Variants in MALRD1 observed in about 807,000 individuals in gnomAD.
MALRD1 encodes MAM and LDL receptor class A domain containing 1.
MALRD1 carries 247 observed loss-of-function variants against 242.1 expected under a neutral mutation model. The ratio of observed to expected loss-of-function variants is 1.02; its 90% CI spans 0.92 to 1.13. The LOEUF (loss-of-function observed/expected upper bound fraction) is 1.13. Ranked by LOEUF, MALRD1 falls within the 50% of genes most tolerant of loss-of-function variation. The pLI is 0.00. For missense variants in MALRD1, 2,989 were observed against 2,533.1 expected, an observed-to-expected ratio of 1.18 and a Z score of -3.86; for synonymous variants, 995 against 866.6, an observed-to-expected ratio of 1.15 and a Z score of -2.60.
At chr10:19,564,041 A>C (rs533432216) in intron 32 of MALRD1, among the ~76,000 whole-genome samples, 2 of 152,342 alleles carry the variant, frequency 1.3e-5, no homozygotes, top group African/African-American at 4.8e-5. Context: ...CCCCAGAAGC[A>C]GTTGCTGGTG....
At chr10:19,429,252 T>C (rs1834025186) in intron 28 of MALRD1, among the ~76,000 whole-genome samples, 1 of 152,166 alleles carries the variant, frequency 6.6e-6, no homozygotes, top group Admixed American at 6.5e-5. Flanking sequence ...TAATGTGTAA[T>C]GTGTAATGTG....
At chr10:19,379,267 C>T (rs1247555350) in intron 26 of MALRD1, among the ~76,000 whole-genome samples, 1 of 151,970 alleles carries the variant, frequency 6.6e-6, no homozygotes, top group Non-Finnish European at 1.5e-5. Flanking sequence ...GGTTGAACTG[C>T]TGTTTTTCAC....
At chr10:19,519,171 A>G (rs1312999357) in intron 31 of MALRD1, among the ~76,000 whole-genome samples, 2 of 150,868 alleles carry the variant, frequency 1.3e-5, no homozygotes, top group Non-Finnish European at 3.0e-5. Context: ...ACTTATTCTA[A>G]TTTTCTTTCA....
At chr10:19,182,587 C>T (rs1835558788) in intron 14 of MALRD1, among the ~76,000 whole-genome samples, 1 of 152,156 alleles carries the variant, frequency 6.6e-6, no homozygotes, top group Non-Finnish European at 1.5e-5. Context: ...GCCTCAGCCT[C>T]CCAAAGTGCT....
intron 21 of MALRD1, among the ~76,000 whole-genome samples, chr10:19,308,754 G>A (rs1369761309): frequency 6.6e-6 from 1 of 151,478 alleles, no homozygotes; most frequent in East Asian, 1.9e-4. Flanking sequence ...GAAAAAGTGT[G>A]CCTTTCCTAT....
At chr10:19,446,012 T>G (rs1350412875) in intron 28 of MALRD1, among the ~76,000 whole-genome samples, 1 of 151,700 alleles carries the variant, frequency 6.6e-6, no homozygotes, top group Non-Finnish European at 1.5e-5. Context: ...TGCCCCTCCT[T>G]CAGCCTCTCA....
intron 21 of MALRD1, among the ~76,000 whole-genome samples, chr10:19,303,233 G>T (rs1467405789): frequency 2.0e-5 from 3 of 151,334 alleles, no homozygotes; most frequent in African/African-American, 7.3e-5. Context: ...CAAGCAAGCT[G>T]GCATAACAAT....
At chr10:19,627,791 G>C (rs796382344) in intron 36 of MALRD1, among the ~76,000 whole-genome samples, 28 of 137,346 alleles carry the variant, frequency 2.0e-4, no homozygotes, top group African/African-American at 7.1e-4. Flanking sequence ...AAAAAAGGAA[G>C]AAAAAACAAT....
At chr10:19,116,820 G>T (rs1313648881) in intron 5 of MALRD1, among the ~76,000 whole-genome samples, 1 of 152,166 alleles carries the variant, frequency 6.6e-6, no homozygotes, top group Non-Finnish European at 1.5e-5. Context: ...TGGGCACAGT[G>T]GCTCACACCT....
chr10:19,445,223 GTT>G (rs1834900766), intron 28 of MALRD1, among the ~76,000 whole-genome samples: 1 of 152,184 alleles, frequency 6.6e-6, no homozygotes, highest in South Asian at 2.1e-4. Flanking sequence ...TTTTTTCAAG[GTT>G]TTTAGCTTCT....
intron 24 of MALRD1, among the ~76,000 whole-genome samples, chr10:19,336,489 A>G (rs1582066): frequency 0.78 from 118,547 of 151,922 alleles, 46,688 homozygotes; most frequent in African/African-American, 0.87. Flanking sequence ...CATTTAGCAA[A>G]GAACAAAAAA....
rs1843179619 is a variant in MALRD1, at chr10:19,327,429, A to G, written c.3577-134A>G. The G allele has an allele frequency of 1.1e-5, 7 of 611,522 alleles. No individual in the cohort carries two copies. The South Asian group carries it at 1.4e-4, about 12-fold the overall frequency. The allele number at this position is 611,522 out of a possible 1,614,324, so 37.9% of individuals were successfully genotyped here. A position where few individuals can be genotyped will look rare whatever the true frequency, so the allele number is the denominator to read the frequency against. On this transcript the variant is annotated intron_variant, in intron 22 of 39. Transcript: ENST00000454679. Reference sequence around the variant, plus strand: ...AAAACAAAGATATCTAATAAAAAATATCTTAGCTCTTCTCTCCAGGACTTC... The same window carrying G: ...AAAACAAAGATATCTAATAAAAAATGTCTTAGCTCTTCTCTCCAGGACTTC...
At chr10:19,347,712 A>C in intron 24 of MALRD1, 59 bp from the exon 25 acceptor site, 1 of 1,526,542 alleles carries the variant, frequency 6.6e-7, no homozygotes. Context: ...TTTGAATTGC[A>C]TGTTTTAAAG....
chr10:19,284,385 A>G (rs571471669), intron 21 of MALRD1, among the ~76,000 whole-genome samples: 16 of 141,220 alleles, frequency 1.1e-4, no homozygotes, highest in South Asian at 2.5e-4. Flanking sequence ...ATATCTCCCA[A>G]TGCTATCCCT....
intron 22 of MALRD1, among the ~76,000 whole-genome samples, chr10:19,325,903 G>C (rs2130903608): frequency 6.6e-6 from 1 of 152,236 alleles, no homozygotes; most frequent in South Asian, 2.1e-4. Context: ...TGCAATATTA[G>C]TAGTAGGTGC....
At chr10:19,166,573 A>G (rs1380518637) in intron 13 of MALRD1, among the ~76,000 whole-genome samples, 1 of 152,176 alleles carries the variant, frequency 6.6e-6, no homozygotes, top group Non-Finnish European at 1.5e-5. Flanking sequence ...AGGGGATAAG[A>G]TTTGGAGTGT....
chr10:19,296,571 G>C (rs1201354589), intron 21 of MALRD1, among the ~76,000 whole-genome samples: 1 of 152,018 alleles, frequency 6.6e-6, no homozygotes, highest in African/African-American at 2.4e-5. Context: ...CAGCACTTAA[G>C]TGTTAAAAGG....
chr10:19,697,882 T>A (rs927788236), intron 38 of MALRD1, among the ~76,000 whole-genome samples: 2 of 152,194 alleles, frequency 1.3e-5, no homozygotes, highest in African/African-American at 4.8e-5. Context: ...TGTCTCCCTG[T>A]TTTTAAAAGT....
intron 36 of MALRD1, among the ~76,000 whole-genome samples, chr10:19,638,870 G>A (rs983865400): frequency 6.6e-6 from 1 of 152,104 alleles, no homozygotes; most frequent in Non-Finnish European, 1.5e-5. Context: ...TTTTTGTCAT[G>A]TGGGTGACCA....
Sources: gnomAD v4.1 joint callset for allele counts (sites outside exome capture counted in the v4.1 genomes callset) on GRCh38, gnomAD v4.1.1 for gene constraint, MANE v1.5 for transcripts, NCBI Gene and HGNC (gene_info 2026-07-23, HGNC 2026-07-21) for gene names.